The following DYM variants were observed in gnomAD, a reference collection of about 807,000 sequenced individuals.
The protein encoded by DYM is dymeclin.
Under a neutral mutation model 93.1 loss-of-function variants are expected in DYM, and 78 were observed. The ratio of observed to expected loss-of-function variants is 0.84; its 90% confidence interval spans 0.70 to 1.01. The LOEUF (loss-of-function observed/expected upper bound fraction) is 1.01, where lower values mean the gene tolerates loss of function less well. Among genes scored for constraint, DYM ranks in the 50% least tolerant of loss-of-function variants. The pLI is 0.00. For missense variants in DYM, 789 were observed against 845.0 expected (o/e 0.93, Z 0.82); for synonymous variants, 321 against 319.7 (o/e 1.00, Z -0.04).
intron 15 of DYM, among the ~76,000 whole-genome samples, chr18:49,145,483 A>G (rs2085021861): frequency 6.6e-6 from 1 of 152,184 alleles, no homozygotes; most frequent in Admixed American, 6.5e-5. Flanking sequence ...AGAACAAAAA[A>G]TATTCAAAGA....
chr18:49,322,359 A>G (rs1227300425), intron 8 of DYM, among the ~76,000 whole-genome samples: 1 of 152,144 alleles, frequency 6.6e-6, no homozygotes, highest in Admixed American at 6.5e-5. Flanking sequence ...AATAATTATA[A>G]TGACATTACA....
rs1030463292 is a variant in DYM at position 49,209,414 on chromosome 18, A to T, written c.1625+137T>A. 1.3e-4 allele frequency: 71 copies of T among 561,548 alleles called. No homozygotes were observed. In the Middle Eastern group the frequency reaches 2.6e-3, roughly 21 times the overall value. The allele number at this position is 561,548 out of a possible 1,614,324, so 34.8% of individuals were successfully genotyped here. A position where few individuals can be genotyped will look rare whatever the true frequency, so the allele number is the denominator to read the frequency against. ...GGAAACAAAATCCAGCTATTATTTT[A>T]AAAAAATTATTTAGTACCATTTCAA... is the stretch of plus-strand genomic sequence containing the variant. On this transcript the variant is annotated intron_variant, in intron 14 of 17. Transcript: ENST00000675505.
At chr18:49,323,083 C>T (rs974188281) in intron 8 of DYM, among the ~76,000 whole-genome samples, 7 of 152,100 alleles carry the variant, frequency 4.6e-5, no homozygotes, top group African/African-American at 1.7e-4. Context: ...TAAGTGGTGG[C>T]CCTCAAAATT....
chr18:49,453,837 A>G (rs897713757), intron 1 of DYM, among the ~76,000 whole-genome samples: 3 of 152,216 alleles, frequency 2.0e-5, no homozygotes, highest in African/African-American at 4.8e-5. Flanking sequence ...GTTATAAAGG[A>G]AAGAGATTTT....
intron 17 of DYM, among the ~76,000 whole-genome samples, chr18:49,096,048 C>T (rs1413242987): frequency 6.6e-6 from 1 of 151,958 alleles, no homozygotes. Context: ...CAAAAAAATC[C>T]CACAAAAATA....
intron 17 of DYM, 63 bp downstream of exon 17, chr18:49,097,339 G>T: frequency 6.8e-7 from 1 of 1,462,918 alleles, no homozygotes; most frequent in South Asian, 1.2e-5. Flanking sequence ...GGTCTGCTAA[G>T]ACACTAACAT....
intron 4 of DYM, among the ~76,000 whole-genome samples, 195 bp downstream of exon 4, chr18:49,379,470 C>G (rs1435118762): frequency 2.0e-5 from 3 of 152,132 alleles, no homozygotes; most frequent in Non-Finnish European, 4.4e-5. Context: ...AAGCTGAAAT[C>G]AGATTCCCGA....
chr18:49,426,290 G>C (rs914650096), intron 2 of DYM, among the ~76,000 whole-genome samples: 9 of 150,908 alleles, frequency 6.0e-5, no homozygotes, highest in Admixed American at 4.6e-4. Flanking sequence ...GCAAACCATC[G>C]CAAGGACAGA....
intron 14 of DYM, among the ~76,000 whole-genome samples, chr18:49,200,742 T>C (rs903404589): frequency 3.9e-5 from 6 of 152,128 alleles, no homozygotes; most frequent in Admixed American, 1.3e-4. Flanking sequence ...AATTTTTTAA[T>C]TGACAAAAAT....
At chr18:49,399,516 C>A (rs1194585229) in intron 2 of DYM, among the ~76,000 whole-genome samples, 1 of 152,084 alleles carries the variant, frequency 6.6e-6, no homozygotes, top group African/African-American at 2.4e-5. Flanking sequence ...ACAGTATTAG[C>A]CTGAAAAGGG....
At chr18:49,046,478 CACAG>C (rs973865629) in intron 17 of DYM, among the ~76,000 whole-genome samples, 8 of 150,730 alleles carry the variant, frequency 5.3e-5, no homozygotes, top group South Asian at 2.1e-4. Context: ...CCCACACACA[CACAG>C]ACACACACAC....
At chr18:49,221,163 C>T (rs887779706) in intron 13 of DYM, among the ~76,000 whole-genome samples, 8 of 151,996 alleles carry the variant, frequency 5.3e-5, no homozygotes, top group African/African-American at 1.2e-4. Flanking sequence ...AAATGCTCAC[C>T]ATCACTGGCC....
At chr18:49,387,576 C>CG (rs2068757757) in intron 3 of DYM, among the ~76,000 whole-genome samples, 1 of 152,044 alleles carries the variant, frequency 6.6e-6, no homozygotes, top group South Asian at 2.1e-4. Flanking sequence ...TGGTCGAATC[C>CG]GTGATCTTTG....
intron 13 of DYM, among the ~76,000 whole-genome samples, chr18:49,229,609 C>T (rs1405700135): frequency 6.6e-6 from 1 of 152,110 alleles, no homozygotes; most frequent in East Asian, 1.9e-4. Context: ...TTACAAAAAG[C>T]AAACACTAAT....
intron 14 of DYM, among the ~76,000 whole-genome samples, chr18:49,191,295 T>C (rs2090948532): frequency 6.6e-6 from 1 of 151,932 alleles, no homozygotes; most frequent in Non-Finnish European, 1.5e-5. Context: ...CAGTTGGTAA[T>C]TACTCTTAAT....
chr18:49,289,340 A>C (rs2059869738), intron 8 of DYM, among the ~76,000 whole-genome samples: 1 of 150,824 alleles, frequency 6.6e-6, no homozygotes, highest in East Asian at 1.9e-4. Flanking sequence ...GACAAGTAAC[A>C]TATGAAGAAG....
chr18:49,036,929 T>C lies in DYM; in HGVS notation c.*7126A>G, dbSNP rs950315875. Among the ~76,000 whole-genome samples, 2 of 152,112 alleles carry C rather than the reference T, an allele frequency of 1.3e-5. No homozygotes were observed. Among genetic ancestry groups the C allele is most frequent in the African/African-American group, 4.8e-5 (2 of 41,402 alleles). ...TTTATTTATTTATTTTGGGACGGAG[T>C]CTCGCTCTGTTGCCCAGGCTGGAGT... On this transcript the variant is annotated 3_prime_UTR_variant, in exon 18 of 18. Coordinates refer to ENST00000675505, the MANE Select transcript of DYM (RefSeq NM_001353214.3).
intron 8 of DYM, among the ~76,000 whole-genome samples, chr18:49,295,204 G>T (rs988399908): frequency 6.6e-6 from 1 of 152,092 alleles, no homozygotes; most frequent in East Asian, 1.9e-4. Flanking sequence ...AATAAGGAAA[G>T]AAAGTTTCAC....
intron 2 of DYM, among the ~76,000 whole-genome samples, chr18:49,413,628 A>G (rs1167058827): frequency 7.9e-6 from 1 of 126,070 alleles, no homozygotes; most frequent in African/African-American, 2.8e-5. Context: ...TGAAGTTTAG[A>G]AAACATTATA....
Sources: gnomAD v4.1 joint callset for allele counts (sites outside exome capture counted in the v4.1 genomes callset) on GRCh38, gnomAD v4.1.1 for gene constraint, MANE v1.5 for transcripts, NCBI Gene and HGNC (gene_info 2026-07-23, HGNC 2026-07-21) for gene names.